CACNA2D3: variants seen among roughly 807,000 people sequenced by gnomAD.
CACNA2D3 encodes calcium voltage-gated channel auxiliary subunit alpha2delta 3, also known as voltage-dependent calcium channel subunit alpha-2/delta-3.
Under a neutral mutation model 160.6 loss-of-function variants are expected in CACNA2D3, and 60 were observed. The ratio of observed to expected loss-of-function variants is 0.37; its 90% CI spans 0.30 to 0.46. The LOEUF (loss-of-function observed/expected upper bound fraction) is 0.46. Among genes scored for constraint, CACNA2D3 ranks in the 20% least tolerant of loss-of-function variants. The probability of loss-of-function intolerance (pLI) is 1.00; values close to 1 mark genes in which losing one functional copy is unlikely to be tolerated. For synonymous variants in CACNA2D3, 558 were observed against 492.9 expected, an observed-to-expected ratio of 1.13 and a Z score of -1.75; for missense variants, 1,205 against 1,365.0, an observed-to-expected ratio of 0.88 and a Z score of 1.85.
At chr3:54,868,678 C>G (rs561064312) in intron 17 of CACNA2D3, among the ~76,000 whole-genome samples, 7 of 152,102 alleles carry the variant, frequency 4.6e-5, no homozygotes, top group Admixed American at 2.0e-4. Flanking sequence ...AAGCTCCACA[C>G]CAAGCAGAGA....
At position 54,885,596 on chromosome 3, in the gene CACNA2D3, C is replaced by T; in HGVS notation, c.2056+10C>T. ...GAACCTCTGCTCCAGTGTGAGTATG[C>T]TTTCAAAAGTGTGCTGTGCCTTCAG... On this transcript the variant is annotated intron_variant, in intron 23 of 37. Transcript: ENST00000474759. 6.2e-7 allele frequency: 1 copy of T among 1,602,322 alleles called. No homozygotes were observed. Among genetic ancestry groups the T allele is most frequent in the Non-Finnish European group, 8.5e-7 (1 of 1,171,014 alleles).
At chr3:54,271,501 A>C (rs1702621150) in intron 2 of CACNA2D3, among the ~76,000 whole-genome samples, 1 of 152,244 alleles carries the variant, frequency 6.6e-6, no homozygotes, top group Admixed American at 6.5e-5. Flanking sequence ...TTCTTTGGCC[A>C]AAAAGACATC....
At chr3:54,664,509 A>G (rs966434795) in intron 11 of CACNA2D3, among the ~76,000 whole-genome samples, 19 of 152,206 alleles carry the variant, frequency 1.2e-4, no homozygotes, top group Admixed American at 2.6e-4. Flanking sequence ...ATCTGAAGCT[A>G]ATTTATCCAG....
intron 29 of CACNA2D3, 24 bp downstream of exon 29, chr3:54,969,868 T>C: frequency 6.2e-7 from 1 of 1,609,044 alleles, no homozygotes; most frequent in Non-Finnish European, 8.5e-7. Context: ...CTGGTCCTGT[T>C]TCTACCCCTG....
At chr3:54,591,591 A>T (rs1256462630) in intron 9 of CACNA2D3, among the ~76,000 whole-genome samples, 1 of 129,372 alleles carries the variant, frequency 7.7e-6, no homozygotes, top group South Asian at 2.3e-4. Flanking sequence ...TTTTTTTCAC[A>T]TCACTAGAAC....
chr3:54,463,207 C>A (rs1700541459), intron 4 of CACNA2D3, among the ~76,000 whole-genome samples: 1 of 152,084 alleles, frequency 6.6e-6, no homozygotes, highest in African/African-American at 2.4e-5. Context: ...CTGCCCTTAA[C>A]ATTTTTTCCT....
chr3:54,805,637 G>T (rs1195471589), intron 13 of CACNA2D3, among the ~76,000 whole-genome samples: 1 of 152,178 alleles, frequency 6.6e-6, no homozygotes, highest in East Asian at 1.9e-4. Context: ...AGAGGAATTG[G>T]TACCATTCCT....
chr3:54,677,095 A>T (rs1700256883), intron 11 of CACNA2D3, among the ~76,000 whole-genome samples: 1 of 152,204 alleles, frequency 6.6e-6, no homozygotes, highest in Non-Finnish European at 1.5e-5. Flanking sequence ...TAATAAATAG[A>T]TATCCCTGGA....
intron 2 of CACNA2D3, among the ~76,000 whole-genome samples, chr3:54,274,261 A>T (rs1702687498): frequency 6.6e-6 from 1 of 152,108 alleles, no homozygotes; most frequent in African/African-American, 2.4e-5. Context: ...AGTAGAAAGC[A>T]AAACCCCATA....
At chr3:54,853,290 G>C (rs1044525397) in intron 17 of CACNA2D3, among the ~76,000 whole-genome samples, 1 of 152,150 alleles carries the variant, frequency 6.6e-6, no homozygotes, top group Non-Finnish European at 1.5e-5. Context: ...GAATAGCTGG[G>C]AGTTTGCTAC....
chr3:54,665,789 ATTT>A (rs535697929), intron 11 of CACNA2D3, among the ~76,000 whole-genome samples: 8 of 134,630 alleles, frequency 5.9e-5, no homozygotes, highest in South Asian at 2.4e-4. Flanking sequence ...GAGGATGGTT[ATTT>A]TTTTTTTTTT....
chr3:54,472,451 C>A (rs770812415), intron 4 of CACNA2D3, among the ~76,000 whole-genome samples: 16 of 152,120 alleles, frequency 1.1e-4, no homozygotes, highest in Admixed American at 1.3e-4. Flanking sequence ...ACTGAATGGG[C>A]AAAAACTGGA....
At chr3:54,923,064 A>G (rs1700899308) in intron 27 of CACNA2D3, among the ~76,000 whole-genome samples, 1 of 151,858 alleles carries the variant, frequency 6.6e-6, no homozygotes, top group African/African-American at 2.4e-5. Context: ...CTTCTCCCTC[A>G]TCTCCCTGGT....
chr3:54,456,445 C>T lies in CACNA2D3; in HGVS notation c.382-47047C>T, dbSNP rs146611586. ...TGCAACTTTACCGAAATTGTTTGTC[C>T]GTTCTAAGAGTTTTGGTGGAGTCTT... On this transcript the variant is annotated intron_variant, in intron 4 of 37. Coordinates refer to ENST00000474759, the MANE Select transcript of CACNA2D3 (RefSeq NM_018398.3). Among the ~76,000 whole-genome samples, 869 of 151,806 alleles carry T rather than the reference C, an allele frequency of 5.7e-3. 6 individuals are homozygous for T. Among genetic ancestry groups the T allele is most frequent in the Non-Finnish European group, 8.2e-3 (555 of 67,822 alleles).
intron 10 of CACNA2D3, among the ~76,000 whole-genome samples, chr3:54,637,032 G>T (rs553348292): frequency 6.6e-6 from 1 of 152,054 alleles, no homozygotes; most frequent in Admixed American, 6.5e-5. Flanking sequence ...AGAGTATACG[G>T]GTTTGGCACC....
intron 13 of CACNA2D3, among the ~76,000 whole-genome samples, chr3:54,768,393 T>TA (rs1702259819): frequency 6.6e-6 from 1 of 152,206 alleles, no homozygotes; most frequent in South Asian, 2.1e-4. Context: ...ATGAAGCAGA[T>TA]ACAGCTTTGC....
intron 11 of CACNA2D3, among the ~76,000 whole-genome samples, chr3:54,703,464 C>G (rs966339401): frequency 1.3e-5 from 2 of 152,030 alleles, no homozygotes; most frequent in Non-Finnish European, 2.9e-5. Context: ...AGTGTCCCTA[C>G]AATTGGAATG....
chr3:54,724,071 A>AT (rs1701229486), intron 11 of CACNA2D3, among the ~76,000 whole-genome samples: 2 of 152,324 alleles, frequency 1.3e-5, no homozygotes, highest in East Asian at 3.9e-4. Context: ...GGATGGAGGA[A>AT]TTTTTACCAA....
intron 5 of CACNA2D3, among the ~76,000 whole-genome samples, chr3:54,536,453 A>G (rs1701890091): frequency 6.6e-6 from 1 of 152,210 alleles, no homozygotes; most frequent in Non-Finnish European, 1.5e-5. Flanking sequence ...AATCTCAAGG[A>G]CGATGGGGAC....
Sources: gnomAD v4.1 joint callset for allele counts (sites outside exome capture counted in the v4.1 genomes callset) on GRCh38, gnomAD v4.1.1 for gene constraint, MANE v1.5 for transcripts, NCBI Gene and HGNC (gene_info 2026-07-23, HGNC 2026-07-21) for gene names.